JMY: variants seen among roughly 807,000 people sequenced by gnomAD.
JMY encodes the protein junction-mediating and -regulatory protein.
A neutral mutation model predicts 103.3 loss-of-function variants in JMY; 46 were observed. That is an observed-to-expected ratio of 0.45 (90% CI 0.35 to 0.57). JMY has a LOEUF of 0.57. Among genes scored for constraint, JMY ranks in the 20% least tolerant of loss-of-function variants. JMY has a pLI of 0.00. For synonymous variants in JMY, 526 were observed against 489.3 expected (o/e 1.07, Z -0.99); for missense variants, 1,238 against 1,255.2 (o/e 0.99, Z 0.21).
chr5:79,262,779 A>G (rs2112067768), intron 1 of JMY, among the ~76,000 whole-genome samples: 1 of 152,366 alleles, frequency 6.6e-6, no homozygotes, highest in Middle Eastern at 3.4e-3. Context: ...ATAGCTTTGT[A>G]AAGTACTATT....
In JMY at chr5:79,265,598, C is replaced by T. The variant is rs139370177; in HGVS notation, c.1033-12312C>T. ...TCTGTAGACTAAAGATTAAACAGGA[C>T]GGATTGACCACATGCAATGTTCTTT... On this transcript the variant is annotated intron_variant, in intron 1 of 10. Coordinates refer to ENST00000396137, the MANE Select transcript of JMY (RefSeq NM_152405.5). 2.1e-3 allele frequency among the ~76,000 whole-genome samples: 324 copies of T among 151,962 alleles called. 1 individual carries two copies. The highest frequency in any genetic ancestry group is 7.4e-3 in the African/African-American group (305 of 41,344).
chr5:79,241,124 A>G (rs1351373690), intron 1 of JMY, among the ~76,000 whole-genome samples: 3 of 152,182 alleles, frequency 2.0e-5, no homozygotes, highest in Non-Finnish European at 4.4e-5. Context: ...TCAACTTAAA[A>G]TCACCTGTTT....
At chr5:79,242,223 G>A (rs1178051704) in intron 1 of JMY, among the ~76,000 whole-genome samples, 1 of 152,166 alleles carries the variant, frequency 6.6e-6, no homozygotes, top group Non-Finnish European at 1.5e-5. Flanking sequence ...CCTGTTGAGT[G>A]AGTGGAGTCA....
At chr5:79,280,612 C>T (rs1746077123) in intron 2 of JMY, among the ~76,000 whole-genome samples, 1 of 152,026 alleles carries the variant, frequency 6.6e-6, no homozygotes, top group South Asian at 2.1e-4. Flanking sequence ...TTTTTGTTAG[C>T]CAACAACTAG....
At chr5:79,294,885 GT>G (rs1360696015) in intron 4 of JMY, among the ~76,000 whole-genome samples, 1 of 151,520 alleles carries the variant, frequency 6.6e-6, no homozygotes, top group Non-Finnish European at 1.5e-5. Flanking sequence ...GTATATCAGT[GT>G]GCTTTCTTTC....
At position 79,284,632 on chromosome 5, in the gene JMY, C is replaced by T. The variant is rs1746216673; in HGVS notation, c.1207-5489C>T. On this transcript the variant is annotated intron_variant, in intron 2 of 10. Coordinates refer to ENST00000396137, the MANE Select transcript of JMY (RefSeq NM_152405.5). ...TAAGATCCATGCCATGGAAGTTAGG[C>T]AGTTTTTACCCTGAACATCTTCAGT... The T allele has an allele frequency of 6.4e-6, 10 of 1,555,384 alleles. No homozygotes were observed. The East Asian group carries it at 1.6e-4, about 24-fold the overall frequency.
At chr5:79,251,267 C>T (rs1372871048) in intron 1 of JMY, among the ~76,000 whole-genome samples, 1 of 151,998 alleles carries the variant, frequency 6.6e-6, no homozygotes, top group Non-Finnish European at 1.5e-5. Flanking sequence ...AATATCCCTC[C>T]ATCACCCAGG....
chr5:79,265,446 A>G (rs1037333432), intron 1 of JMY, among the ~76,000 whole-genome samples: 2 of 152,212 alleles, frequency 1.3e-5, no homozygotes, highest in East Asian at 1.9e-4. Flanking sequence ...CTGCAGATCT[A>G]AAGGTGAGGT....
intron 2 of JMY, among the ~76,000 whole-genome samples, chr5:79,287,211 G>A (rs1330189173): frequency 6.6e-6 from 1 of 152,162 alleles, no homozygotes; most frequent in Non-Finnish European, 1.5e-5. Flanking sequence ...CTTGGGTGAT[G>A]CTGACAGGAA....
At position 79,326,375 on chromosome 5, in the gene JMY, G is replaced by T. The variant is rs1747646979; in HGVS notation, c.*4773G>T. 6.6e-6 allele frequency: 1 copy of T among 151,526 alleles called. No homozygotes were observed. Among genetic ancestry groups the T allele is most frequent in the Admixed American group, 6.6e-5 (1 of 15,200 alleles). 9.4% of individuals were successfully genotyped at this position (151,526 alleles called of 1,614,324 possible). A position where few individuals can be genotyped will look rare whatever the true frequency, so the allele number is the denominator to read the frequency against. On this transcript the variant is annotated 3_prime_UTR_variant, in exon 11 of 11. Transcript: ENST00000396137. ...TTTTTTTTACTTGCATGTTCTATGG[G>T]TAGCTATCAAAGGGTGTAACAAATT...
intron 7 of JMY, among the ~76,000 whole-genome samples, chr5:79,311,320 C>T (rs1747041587): frequency 6.6e-6 from 1 of 152,074 alleles, no homozygotes; most frequent in Admixed American, 6.6e-5. Flanking sequence ...CCCTGCCACC[C>T]TTACGTCCCT....
chr5:79,282,377 G>A (rs1189175291), intron 2 of JMY, among the ~76,000 whole-genome samples: 1 of 152,104 alleles, frequency 6.6e-6, no homozygotes, highest in Non-Finnish European at 1.5e-5. Context: ...AAAAATGAAT[G>A]TACACATTTG....
intron 4 of JMY, among the ~76,000 whole-genome samples, chr5:79,295,438 A>T (rs1288395362): frequency 6.6e-6 from 1 of 152,218 alleles, no homozygotes; most frequent in Admixed American, 6.5e-5. Flanking sequence ...CTGGAATGTT[A>T]TGATTTCATG....
In JMY at chr5:79,294,806, C is replaced by T. The variant is rs560012643; in HGVS notation, c.1527+3507C>T. Among the ~76,000 whole-genome samples, 10 of 150,200 alleles carry T rather than the reference C, an allele frequency of 6.7e-5. No individual in the cohort carries two copies. The South Asian group carries it at 1.5e-3, about 22-fold the overall frequency. On this transcript the variant is annotated intron_variant, in intron 4 of 10. Transcript: ENST00000396137. ...TCAGGAGGCACAGGTTGCAGTGAGT[C>T]GAGATGATGCCACTGCACTCAAGCC...
chr5:79,246,955 T>C (rs1393931118), intron 1 of JMY, among the ~76,000 whole-genome samples: 1 of 151,908 alleles, frequency 6.6e-6, no homozygotes, highest in Admixed American at 6.6e-5. Context: ...AAATCTAAAC[T>C]TTGATTAATA....
chr5:79,290,235 G>A lies in JMY; in HGVS notation c.1321G>A (p.Val441Ile). ...TGTACTGTCTATTCAAGATCTTACT[G>A]TCAAGTACTTTGAAATAACAGCTAA... The part of the protein sequence containing the change: ...MAVLSIQDLT[V>I]KYFEITAKAQ... Residue 441 changes from valine (V) to isoleucine (I), a missense_variant, in exon 3 of 11, where the codon GTC (valine) becomes ATC (isoleucine). Coordinates refer to ENST00000396137, the MANE Select transcript of JMY (RefSeq NM_152405.5). 2.0e-6 allele frequency: 3 copies of A among 1,532,178 alleles called. No individual in the cohort carries two copies. The highest frequency in any genetic ancestry group is 1.3e-5 in the South Asian group (1 of 75,080). 94.9% of individuals were successfully genotyped at this position (1,532,178 alleles called of 1,614,324 possible).
chr5:79,237,300 C>T lies in JMY; in HGVS notation c.650C>T (p.Ala217Val), dbSNP rs1029667024. Reference protein sequence around the residue: ...ALSDAEQPPPATELESPAEEC... With the variant: ...ALSDAEQPPPVTELESPAEEC... ...TCGGACGCGGAGCAGCCGCCGCCCG[C>T]CACCGAGCTGGAGTCTCCGGCCGAA... The change falls in exon 1 of 11, where the codon GCC becomes GTC. Residue 217 changes from alanine to valine, a missense_variant. Physicochemically the swap from Ala to Val is moderately conservative, Grantham distance 64 (BLOSUM62 0). Coordinates refer to ENST00000396137, the MANE Select transcript of JMY (RefSeq NM_152405.5). The T allele has an allele frequency of 3.2e-6, 5 of 1,561,470 alleles. No individual in the cohort carries two copies. The highest frequency in any genetic ancestry group is 2.7e-5 in the African/African-American group (2 of 73,372).
intron 1 of JMY, among the ~76,000 whole-genome samples, chr5:79,274,645 A>C (rs1745884201): frequency 1.3e-5 from 2 of 152,154 alleles, no homozygotes; most frequent in South Asian, 2.1e-4. Context: ...ACCTCAAGTG[A>C]TCTGCCTGCC....
intron 1 of JMY, among the ~76,000 whole-genome samples, chr5:79,264,397 A>T (rs1041158930): frequency 2.9e-4 from 41 of 143,180 alleles, no homozygotes; most frequent in African/African-American, 9.5e-4. Context: ...ATAATTTTTA[A>T]TTTTTTTTTT....
Sources: allele counts gnomAD v4.1 joint callset (sites outside exome capture counted in the v4.1 genomes callset), GRCh38; gene constraint gnomAD v4.1.1; transcripts MANE v1.5; gene names NCBI Gene and HGNC (gene_info 2026-07-23, HGNC 2026-07-21).